KIAA0319L: variants seen among roughly 807,000 people sequenced by gnomAD.
KIAA0319L encodes the protein dyslexia-associated protein KIAA0319-like protein.
In KIAA0319L, 55 loss-of-function variants were observed where a neutral mutation model predicts 120.1. The observed-to-expected ratio is 0.46, with a 90% CI of 0.37 to 0.57. KIAA0319L has a LOEUF of 0.57. KIAA0319L is among the 20% of genes least tolerant of loss of function. The probability of loss-of-function intolerance (pLI) is 0.00; values close to 1 mark genes in which losing one functional copy is unlikely to be tolerated. For missense variants in KIAA0319L, 1,049 were observed against 1,255.3 expected (o/e 0.84, Z 2.48); for synonymous variants, 398 against 471.9 (o/e 0.84, Z 2.03).
rs34372241 is a variant in KIAA0319L at position 35,479,008 on chromosome 1, T to C, written c.871A>G (p.Thr291Ala). Reference sequence around the variant, plus strand: ...GTGCTCTGGAAAGAGGCCTGGGGGGTAGGGGTAGCATAACTGTAGGAGGGA... The same window carrying C: ...GTGCTCTGGAAAGAGGCCTGGGGGGCAGGGGTAGCATAACTGTAGGAGGGA... ...VAPSYSYATPTPQASFQSTSA... is the reference protein window; with the variant it reads ...VAPSYSYATPAPQASFQSTSA... Residue 291 changes from threonine (T) to alanine (A), a missense_variant, in exon 4 of 21, where the codon ACC becomes GCC. Transcript: ENST00000325722. 12,998 of 1,613,440 alleles carry C rather than the reference T, an allele frequency of 8.1e-3. 66 individuals carry two copies. Among genetic ancestry groups the C allele is most frequent in the Non-Finnish European group, 9.8e-3 (11,526 of 1,179,816 alleles).
chr1:35,514,746 T>A (rs1455253523), intron 2 of KIAA0319L, among the ~76,000 whole-genome samples: 6 of 152,042 alleles, frequency 3.9e-5, no homozygotes, highest in African/African-American at 1.4e-4. Flanking sequence ...TAAAGCAAGT[T>A]CTTAGAGACC....
chr1:35,447,176 G>A (rs1391274523), intron 16 of KIAA0319L, among the ~76,000 whole-genome samples: 1 of 150,578 alleles, frequency 6.6e-6, no homozygotes, highest in Non-Finnish European at 1.5e-5. Flanking sequence ...CTTCCTGAAT[G>A]GTCTCCCAGC....
At chr1:35,531,232 T>C (rs1359516334) in intron 2 of KIAA0319L, among the ~76,000 whole-genome samples, 1 of 152,220 alleles carries the variant, frequency 6.6e-6, no homozygotes, top group African/African-American at 2.4e-5. Context: ...GATTTCATAC[T>C]CTGGGGAGCT....
chr1:35,512,690 G>A (rs1429240257), intron 2 of KIAA0319L, among the ~76,000 whole-genome samples: 3 of 151,850 alleles, frequency 2.0e-5, no homozygotes, highest in Non-Finnish European at 4.4e-5. Flanking sequence ...CCAACATGGT[G>A]AAACCCCATC....
At chr1:35,482,630 T>C (rs1163877657) in intron 3 of KIAA0319L, among the ~76,000 whole-genome samples, 1 of 152,150 alleles carries the variant, frequency 6.6e-6, no homozygotes, top group African/African-American at 2.4e-5. Flanking sequence ...GGTTTCTCCA[T>C]GTTGGTCAGG....
At position 35,435,747 on chromosome 1, in the gene KIAA0319L, C is replaced by T. The variant is rs190160405; in HGVS notation, c.2963-666G>A. 344 of 152,594 alleles carry T rather than the reference C, an allele frequency of 2.3e-3. 4 individuals are homozygous for T. The highest frequency in any genetic ancestry group is 9.5e-4 in the Non-Finnish European group (65 of 68,244). 9.5% of individuals were successfully genotyped at this position (152,594 alleles called of 1,614,324 possible). On this transcript the variant is annotated intron_variant, in intron 20 of 20. Transcript: ENST00000325722. ...ATGAAGCACCTGGGGTCGAAGAAGA[C>T]ACCTGCGATTCTGCAAGCCATGGCA...
Position 35,474,903 on chromosome 1 carries a change from A to G in KIAA0319L, c.917T>C (p.Ile306Thr), listed in dbSNP as rs1643848387. ...TCCAGCAGATACCACCAGTTCCTTT[A>G]TAACTGGAAACAAAGTAAATATACC... is the stretch of plus-strand genomic sequence containing the variant. ...FQSTSAPYPV[I>T]KELVVSAGES... The change falls in exon 5 of 21, where the codon ATA becomes ACA. Residue 306 changes from isoleucine to threonine, a missense_variant. Coordinates refer to ENST00000325722, the MANE Select transcript of KIAA0319L (RefSeq NM_024874.5). 4 of 1,553,150 alleles carry G rather than the reference A, an allele frequency of 2.6e-6. No homozygotes were observed. The South Asian group carries it at 4.5e-5, about 17-fold the overall frequency.
chr1:35,449,892 G>T lies in KIAA0319L; in HGVS notation c.2328C>A (p.Asp776Glu), dbSNP rs1377147743. ...CAGGTTTCACCTCCACAGTGGTCCGGTCTGTGTCACTCTCACCCTTTGCAT... is the reference window on the plus strand; with the variant it reads ...CAGGTTTCACCTCCACAGTGGTCCGTTCTGTGTCACTCTCACCCTTTGCAT... ...VTDAKGESDT[D>E]RTTVEVKPDP... Residue 776 changes from aspartate (D) to glutamate (E), a missense_variant, in exon 15 of 21, where the codon GAC becomes GAA. Asp to Glu is a conservative substitution (Grantham distance 45, BLOSUM62 2). Transcript: ENST00000325722. 2 of 1,613,872 alleles carry T rather than the reference G, an allele frequency of 1.2e-6. No individual in the cohort carries two copies. Among genetic ancestry groups the T allele is most frequent in the Non-Finnish European group, 1.7e-6 (2 of 1,179,922 alleles).
chr1:35,508,690 A>G (rs1006428545), intron 2 of KIAA0319L, among the ~76,000 whole-genome samples: 28 of 152,190 alleles, frequency 1.8e-4, no homozygotes, highest in Non-Finnish European at 3.1e-4. Flanking sequence ...CCTTCCACAC[A>G]GGCACCAATA....
At chr1:35,456,322 C>A in intron 9 of KIAA0319L, 81 bp from the exon 10 acceptor site, 1 of 922,466 alleles carries the variant, frequency 1.1e-6, no homozygotes, top group East Asian at 2.5e-5. Flanking sequence ...AAAATTAAGG[C>A]TAAGAAATAC....
chr1:35,513,964 T>A (rs1328731734), intron 2 of KIAA0319L, among the ~76,000 whole-genome samples: 1 of 152,210 alleles, frequency 6.6e-6, no homozygotes, highest in East Asian at 1.9e-4. Flanking sequence ...ATATATTTAG[T>A]TCAATTCCCA....
At chr1:35,498,338 A>G (rs558920984) in intron 3 of KIAA0319L, among the ~76,000 whole-genome samples, 10 of 145,144 alleles carry the variant, frequency 6.9e-5, no homozygotes, top group Non-Finnish European at 1.4e-4. Flanking sequence ...CCATCTCGGG[A>G]AAAAAAAAAA....
At chr1:35,530,134 C>T (rs1182893931) in intron 2 of KIAA0319L, among the ~76,000 whole-genome samples, 1 of 151,970 alleles carries the variant, frequency 6.6e-6, no homozygotes, top group African/African-American at 2.4e-5. Context: ...CTCACAGGTT[C>T]AAGCAATCCT....
intron 2 of KIAA0319L, among the ~76,000 whole-genome samples, chr1:35,544,939 T>C (rs1646927137): frequency 6.6e-6 from 1 of 152,076 alleles, no homozygotes; most frequent in Non-Finnish European, 1.5e-5. Context: ...TAAGGGACAA[T>C]TTCCCAACCA....
chr1:35,514,332 C>T (rs1645591417), intron 2 of KIAA0319L, among the ~76,000 whole-genome samples: 1 of 150,050 alleles, frequency 6.7e-6, no homozygotes. Context: ...CGAACATTTA[C>T]TGTGTTGGAA....
intron 17 of KIAA0319L, 90 bp from the exon 18 acceptor site, chr1:35,443,118 C>G (rs1259381208): frequency 1.3e-6 from 2 of 1,486,888 alleles, no homozygotes; most frequent in Admixed American, 3.5e-5. Flanking sequence ...CCAAAGCACC[C>G]CAGATTAATG....
chr1:35,481,312 T>C (rs747356764), intron 3 of KIAA0319L, among the ~76,000 whole-genome samples: 8 of 152,334 alleles, frequency 5.3e-5, no homozygotes, highest in Admixed American at 2.0e-4. Context: ...CTTAGGAGAA[T>C]TGCTGGTTAT....
In KIAA0319L at chr1:35,440,684, T is replaced by C. The variant is rs1030961071; in HGVS notation, c.2962+363A>G. ...CAGACACGGGCCTGGGTCTCATCTCTGCCCATAAAGCACAGACTGGTCAGC... is the reference window on the plus strand; with the variant it reads ...CAGACACGGGCCTGGGTCTCATCTCCGCCCATAAAGCACAGACTGGTCAGC... On this transcript the variant is annotated intron_variant, in intron 20 of 20. Transcript: ENST00000325722. 3.6e-5 allele frequency: 8 copies of C among 224,498 alleles called. No individual in the cohort carries two copies. The East Asian group carries it at 7.9e-4, about 22-fold the overall frequency. 13.9% of individuals were successfully genotyped at this position (224,498 alleles called of 1,614,324 possible).
chr1:35,481,636 T>C lies in KIAA0319L; in HGVS notation c.667-2424A>G, dbSNP rs575452717. Reference sequence around the variant, plus strand: ...TTTTTAAAGCTTTATTAAGGTATAATTGACATACAATAAATTGAACATACA... The same window carrying C: ...TTTTTAAAGCTTTATTAAGGTATAACTGACATACAATAAATTGAACATACA... On this transcript the variant is annotated intron_variant, in intron 3 of 20. Coordinates refer to ENST00000325722, the MANE Select transcript of KIAA0319L (RefSeq NM_024874.5). Among the ~76,000 whole-genome samples, 12 of 152,170 alleles carry C rather than the reference T, an allele frequency of 7.9e-5. No homozygotes were observed. In the East Asian group the frequency reaches 1.5e-3, roughly 20 times the overall value.
Sources: gnomAD v4.1 joint callset for allele counts (sites outside exome capture counted in the v4.1 genomes callset) on GRCh38, gnomAD v4.1.1 for gene constraint, MANE v1.5 for transcripts, NCBI Gene and HGNC (gene_info 2026-07-23, HGNC 2026-07-21) for gene names.